Variants in CNTNAP5 observed in about 807,000 individuals in gnomAD.
CNTNAP5 encodes contactin-associated protein-like 5.
In CNTNAP5, 72 loss-of-function variants were observed where a neutral mutation model predicts 150.2. That is an observed-to-expected ratio of 0.48 (90% CI 0.40 to 0.58). The LOEUF is 0.58. Ranked by LOEUF, CNTNAP5 falls within the 20% of genes least tolerant of loss-of-function variation. CNTNAP5 has a pLI of 0.00. For synonymous variants in CNTNAP5, 672 were observed against 619.8 expected (o/e 1.08, Z -1.25); for missense variants, 1,636 against 1,626.2 (o/e 1.01, Z -0.10).
intron 19 of CNTNAP5, among the ~76,000 whole-genome samples, chr2:124,846,297 T>C (rs1008330226): frequency 1.3e-5 from 2 of 152,172 alleles, no homozygotes; most frequent in African/African-American, 4.8e-5. Context: ...TTTTTGTCTT[T>C]GTTGAATTGG....
chr2:124,047,399 T>A (rs1312474039), intron 1 of CNTNAP5, among the ~76,000 whole-genome samples: 2 of 152,226 alleles, frequency 1.3e-5, no homozygotes, highest in Non-Finnish European at 2.9e-5. Context: ...CCAAGGCTTA[T>A]CACTGGTACA....
intron 1 of CNTNAP5, among the ~76,000 whole-genome samples, chr2:124,216,837 C>T (rs1686168925): frequency 6.6e-6 from 1 of 152,046 alleles, no homozygotes; most frequent in Non-Finnish European, 1.5e-5. Context: ...GTGAATAGTG[C>T]CTCAATAAAC....
chr2:124,773,010 G>T lies in CNTNAP5; in HGVS notation c.2745G>T (p.Leu915Phe). 6.2e-7 allele frequency: 1 copy of T among 1,612,698 alleles called. No homozygotes were observed. Among genetic ancestry groups the T allele is most frequent in the Non-Finnish European group, 8.5e-7 (1 of 1,179,536 alleles). The change falls in exon 17 of 24, where the codon TTG becomes TTT. Residue 915 changes from leucine (L) to phenylalanine (F), a missense_variant. Transcript: ENST00000682447. Reference protein sequence around the residue: ...GHFRLQLNSQLFVGGTSSRQK... With the variant: ...GHFRLQLNSQFFVGGTSSRQK... ...TTCGACTGCAGCTGAACAGCCAGTT[G>T]TTTGTAGGTAGGGGACATCTTAAGG...
chr2:124,706,931 AAGAAGAAGAAGGAGG>A (rs1558743336), intron 13 of CNTNAP5, among the ~76,000 whole-genome samples: 5 of 106,020 alleles, frequency 4.7e-5, no homozygotes, highest in African/African-American at 1.7e-4. Flanking sequence ...GAAGAAGAAG[AAGAAGAAGAAGGAGG>A]AGGAGGAGGA....
chr2:124,250,931 A>C (rs1244293270), intron 3 of CNTNAP5, among the ~76,000 whole-genome samples: 3 of 152,116 alleles, frequency 2.0e-5, no homozygotes, highest in Non-Finnish European at 4.4e-5. Flanking sequence ...TACGGTTTCC[A>C]GTTTTGTGGG....
intron 12 of CNTNAP5, among the ~76,000 whole-genome samples, chr2:124,617,003 A>G (rs1242201994): frequency 1.3e-5 from 2 of 152,162 alleles, no homozygotes; most frequent in Non-Finnish European, 2.9e-5. Flanking sequence ...AAACAATTTG[A>G]AATATTGCAG....
At chr2:124,139,314 A>C (rs779591649) in intron 1 of CNTNAP5, among the ~76,000 whole-genome samples, 68 of 152,100 alleles carry the variant, frequency 4.5e-4, no homozygotes, top group Non-Finnish European at 8.5e-4. Context: ...CAAGAGACAA[A>C]AAAGCTCTCA....
chr2:124,153,853 T>C (rs1057046613), intron 1 of CNTNAP5, among the ~76,000 whole-genome samples: 5 of 151,912 alleles, frequency 3.3e-5, no homozygotes, highest in African/African-American at 1.2e-4. Context: ...CCTCAGTTGA[T>C]CCACCCGCCT....
At chr2:124,380,204 G>A (rs544311299) in intron 3 of CNTNAP5, among the ~76,000 whole-genome samples, 21 of 152,076 alleles carry the variant, frequency 1.4e-4, no homozygotes, top group Non-Finnish European at 2.9e-5. Context: ...TAACCATGTG[G>A]CAAGAACCGC....
chr2:124,356,162 G>A (rs1270610322), intron 3 of CNTNAP5, among the ~76,000 whole-genome samples: 17 of 151,992 alleles, frequency 1.1e-4, no homozygotes, highest in Admixed American at 1.1e-3. Flanking sequence ...ATAAAAATAT[G>A]ATAAAATTAT....
intron 13 of CNTNAP5, among the ~76,000 whole-genome samples, chr2:124,659,981 C>A (rs557117429): frequency 6.9e-6 from 1 of 145,622 alleles, no homozygotes; most frequent in East Asian, 2.0e-4. Context: ...CTGCTTATTT[C>A]AGATAAGGAG....
At chr2:124,738,052 T>A (rs150611857) in intron 13 of CNTNAP5, among the ~76,000 whole-genome samples, 2,816 of 152,338 alleles carry the variant, frequency 0.018, 34 homozygotes, top group Non-Finnish European at 0.029. Context: ...GTTTCTAGAT[T>A]GTGTGTACAT....
intron 21 of CNTNAP5, among the ~76,000 whole-genome samples, chr2:124,872,489 C>G (rs1244480142): frequency 4.0e-5 from 6 of 148,968 alleles, no homozygotes; most frequent in Non-Finnish European, 7.4e-5. Context: ...TTAAGACACT[C>G]TCCTCAAAAT....
At chr2:124,104,382 C>T (rs1460189766) in intron 1 of CNTNAP5, among the ~76,000 whole-genome samples, 2 of 151,966 alleles carry the variant, frequency 1.3e-5, no homozygotes, top group Non-Finnish European at 2.9e-5. Context: ...TTTTGAATTT[C>T]CACTCACTCT....
intron 8 of CNTNAP5, among the ~76,000 whole-genome samples, chr2:124,519,054 C>T (rs1405312990): frequency 1.9e-5 from 2 of 105,918 alleles, no homozygotes; most frequent in Non-Finnish European, 1.9e-5. Context: ...ATCTTAAAAA[C>T]ATTATGCTAA....
At chr2:124,749,518 G>T (rs764819641) in intron 14 of CNTNAP5, among the ~76,000 whole-genome samples, 1 of 152,026 alleles carries the variant, frequency 6.6e-6, no homozygotes, top group East Asian at 1.9e-4. Flanking sequence ...TCTGCTTCCA[G>T]GGTTCAAGCG....
chr2:124,354,616 A>G (rs1689953600), intron 3 of CNTNAP5, among the ~76,000 whole-genome samples: 1 of 152,170 alleles, frequency 6.6e-6, no homozygotes. Flanking sequence ...GTGAGTCTCT[A>G]TGAGTAAGCT....
chr2:124,041,055 T>C (rs943977111), intron 1 of CNTNAP5, among the ~76,000 whole-genome samples: 4 of 152,132 alleles, frequency 2.6e-5, no homozygotes, highest in African/African-American at 4.8e-5. Context: ...GGCAAACATA[T>C]CATAATTAAG....
intron 1 of CNTNAP5, among the ~76,000 whole-genome samples, chr2:124,120,621 AC>A (rs1246978995): frequency 6.6e-6 from 1 of 152,174 alleles, no homozygotes. Context: ...CAACCAACCA[AC>A]CAAACCACGT....
Sources: gnomAD v4.1 joint callset for allele counts (sites outside exome capture counted in the v4.1 genomes callset) on GRCh38, gnomAD v4.1.1 for gene constraint, MANE v1.5 for transcripts, NCBI Gene and HGNC (gene_info 2026-07-23, HGNC 2026-07-21) for gene names.